The following KIAA1671 variants were observed in gnomAD, a reference collection of about 807,000 sequenced individuals.
The protein encoded by KIAA1671 is KIAA1671, also known as uncharacterized protein KIAA1671.
A neutral mutation model predicts 131.2 loss-of-function variants in KIAA1671; 52 were observed. The ratio of observed to expected loss-of-function variants is 0.40; its 90% CI spans 0.32 to 0.50. The LOEUF is 0.50. Among genes scored for constraint, KIAA1671 ranks in the 20% least tolerant of loss-of-function variants. KIAA1671 has a pLI of 0.73. For missense variants in KIAA1671, 2,360 were observed against 2,364.2 expected, an observed-to-expected ratio of 1.00 and a Z score of 0.04; for synonymous variants, 1,003 against 961.6, an observed-to-expected ratio of 1.04 and a Z score of -0.80.
intron 1 of KIAA1671, among the ~76,000 whole-genome samples, chr22:25,001,263 A>G (rs897902631): frequency 1.3e-5 from 2 of 151,770 alleles, no homozygotes; most frequent in Middle Eastern, 3.4e-3. Flanking sequence ...ATGTGTGTGT[A>G]TATATATGCA....
chr22:24,993,714 A>G (rs1021739999), intron 1 of KIAA1671, among the ~76,000 whole-genome samples: 6 of 152,216 alleles, frequency 3.9e-5, no homozygotes, highest in African/African-American at 1.2e-4. Context: ...TCTATCACCA[A>G]ACATGGAGTA....
chr22:25,177,663 A>G (rs1429065629), intron 9 of KIAA1671, 141 bp downstream of exon 9: 4 of 696,756 alleles, frequency 5.7e-6, no homozygotes, highest in Non-Finnish European at 9.3e-6. Flanking sequence ...TTTTTTTTTC[A>G]TGTCTTAAAC....
chr22:25,093,776 C>CTCTG (rs1930210079), intron 6 of KIAA1671, among the ~76,000 whole-genome samples: 2 of 109,540 alleles, frequency 1.8e-5, no homozygotes, highest in East Asian at 5.2e-4. Context: ...CTGTCTCTCT[C>CTCTG]TCTCTCTCTC....
At chr22:24,972,058 A>C (rs1922643126) in intron 1 of KIAA1671, among the ~76,000 whole-genome samples, 1 of 152,178 alleles carries the variant, frequency 6.6e-6, no homozygotes, top group East Asian at 1.9e-4. Flanking sequence ...GGGAATCTTT[A>C]AACATAACTT....
At chr22:25,125,827 C>T (rs1413848661) in intron 6 of KIAA1671, among the ~76,000 whole-genome samples, 1 of 152,208 alleles carries the variant, frequency 6.6e-6, no homozygotes, top group African/African-American at 2.4e-5. Context: ...CTTAAGTAAC[C>T]ATGTGGCCTT....
intron 6 of KIAA1671, among the ~76,000 whole-genome samples, chr22:25,131,315 C>G (rs1225089163): frequency 3.3e-5 from 5 of 152,210 alleles, no homozygotes; most frequent in Non-Finnish European, 1.5e-5. Flanking sequence ...TGGAGTTTTG[C>G]ACAGGTTTGG....
intron 6 of KIAA1671, among the ~76,000 whole-genome samples, chr22:25,080,793 C>A (rs1013054215): frequency 1.3e-5 from 2 of 152,116 alleles, no homozygotes; most frequent in Non-Finnish European, 2.9e-5. Context: ...AGGGTCTTTG[C>A]CATATGTAAA....
intron 7 of KIAA1671, among the ~76,000 whole-genome samples, chr22:25,172,313 C>T (rs988426524): frequency 2.0e-5 from 3 of 152,136 alleles, no homozygotes; most frequent in Non-Finnish European, 4.4e-5. Context: ...TGCTGTCCTG[C>T]AGAGACAATG....
intron 1 of KIAA1671, among the ~76,000 whole-genome samples, chr22:24,964,092 G>A (rs1922164416): frequency 1.3e-5 from 2 of 152,290 alleles, no homozygotes; most frequent in African/African-American, 4.8e-5. Flanking sequence ...ACTTTGGGAG[G>A]CCAAGGCAGG....
chr22:25,082,605 G>A (rs1019985975), intron 6 of KIAA1671, among the ~76,000 whole-genome samples: 1 of 152,228 alleles, frequency 6.6e-6, no homozygotes, highest in African/African-American at 2.4e-5. Context: ...GGCCCAGGTG[G>A]GAGGATCACT....
intron 4 of KIAA1671, among the ~76,000 whole-genome samples, chr22:25,038,369 T>C (rs1479001706): frequency 2.6e-5 from 4 of 152,226 alleles, no homozygotes; most frequent in Admixed American, 2.6e-4. Flanking sequence ...AATTGAAATT[T>C]AGCCAATGCT....
At chr22:25,060,911 A>G (rs970511968) in intron 6 of KIAA1671, 4 of 151,950 alleles carry the variant, frequency 2.6e-5, no homozygotes, top group African/African-American at 4.8e-5. Flanking sequence ...GACCACTTAG[A>G]TTTTCATCTT....
intron 6 of KIAA1671, among the ~76,000 whole-genome samples, chr22:25,117,017 CTG>C (rs1443905828): frequency 1.3e-5 from 2 of 152,152 alleles, no homozygotes; most frequent in Non-Finnish European, 2.9e-5. Context: ...GGGGTAGAGT[CTG>C]TGCATTGTAA....
intron 6 of KIAA1671, among the ~76,000 whole-genome samples, chr22:25,077,123 A>G (rs1200562231): frequency 6.6e-6 from 1 of 152,194 alleles, no homozygotes; most frequent in Non-Finnish European, 1.5e-5. Context: ...TATGCATATC[A>G]AGCTTTGCAA....
At chr22:25,075,879 G>A (rs534776490) in intron 6 of KIAA1671, among the ~76,000 whole-genome samples, 62 of 151,400 alleles carry the variant, frequency 4.1e-4, no homozygotes, top group African/African-American at 1.3e-3. Flanking sequence ...GGGTTCAAGC[G>A]ATTCTCCTGC....
intron 11 of KIAA1671, chr22:25,186,573 G>A (rs981447629): frequency 3.9e-5 from 6 of 152,266 alleles, no homozygotes; most frequent in African/African-American, 1.4e-4. Flanking sequence ...TCCAGTCTGG[G>A]CAATGCAGTA....
intron 6 of KIAA1671, among the ~76,000 whole-genome samples, chr22:25,120,102 T>C (rs548191298): frequency 3.1e-4 from 47 of 152,218 alleles, no homozygotes; most frequent in African/African-American, 1.1e-3. Context: ...CTCCTGGAGA[T>C]CTGGGCTTCA....
At chr22:24,967,645 C>T (rs575697436) in intron 1 of KIAA1671, among the ~76,000 whole-genome samples, 13 of 152,314 alleles carry the variant, frequency 8.5e-5, no homozygotes, top group African/African-American at 2.2e-4. Flanking sequence ...ATCCCAGCCT[C>T]GGCCCCATTG....
chr22:25,019,661 T>C (rs1925551027), intron 1 of KIAA1671, among the ~76,000 whole-genome samples: 1 of 149,276 alleles, frequency 6.7e-6, no homozygotes, highest in African/African-American at 2.5e-5. Flanking sequence ...AAACAACCTT[T>C]GCTATTGTCA....
Sources: allele counts gnomAD v4.1 joint callset (sites outside exome capture counted in the v4.1 genomes callset), GRCh38; gene constraint gnomAD v4.1.1; transcripts MANE v1.5; gene names NCBI Gene and HGNC (gene_info 2026-07-23, HGNC 2026-07-21).